The following CHST11 variants were observed in gnomAD, a reference collection of about 807,000 sequenced individuals.
CHST11 encodes C4S-1.
A neutral mutation model predicts 30.4 loss-of-function variants in CHST11; 9 were observed. The ratio of observed to expected loss-of-function variants is 0.30; its 90% CI spans 0.18 to 0.52. CHST11 has a LOEUF of 0.52. Ranked by LOEUF, CHST11 falls within the 20% of genes least tolerant of loss-of-function variation. The probability of loss-of-function intolerance (pLI) is 0.97; values close to 1 mark genes in which losing one functional copy is unlikely to be tolerated. For missense variants in CHST11, 348 were observed against 460.6 expected (o/e 0.76, Z 2.24); for synonymous variants, 152 against 187.8 (o/e 0.81, Z 1.56).
chr12:104,728,406 C>T lies in CHST11; in HGVS notation c.205-28543C>T, dbSNP rs74572613. 4.9e-3 allele frequency among the ~76,000 whole-genome samples: 742 copies of T among 151,658 alleles called. 21 individuals carry two copies. Among genetic ancestry groups the T allele is most frequent in the East Asian group, 0.017 (86 of 5,144 alleles). ...CAGCATTTTGTGTTCTATGGAGAAA[C>T]ATCTGAAATGATCAGACCATCTTCA... On this transcript the variant is annotated intron_variant, in intron 2 of 2. Coordinates refer to ENST00000303694, the MANE Select transcript of CHST11 (RefSeq NM_018413.6).
chr12:104,474,938 C>T (rs1593954963), intron 1 of CHST11, among the ~76,000 whole-genome samples: 3 of 152,148 alleles, frequency 2.0e-5, no homozygotes, highest in Admixed American at 6.5e-5. Context: ...CAGAGTGGCT[C>T]CTTGCTTATC....
intron 1 of CHST11, among the ~76,000 whole-genome samples, chr12:104,596,526 C>T (rs943094465): frequency 1.3e-5 from 2 of 152,096 alleles, no homozygotes; most frequent in African/African-American, 4.8e-5. Context: ...CGAGACAGCA[C>T]GGTGAAGAGC....
chr12:104,486,983 A>C (rs908952592), intron 1 of CHST11, among the ~76,000 whole-genome samples: 1 of 152,210 alleles, frequency 6.6e-6, no homozygotes, highest in Non-Finnish European at 1.5e-5. Flanking sequence ...TACCAAAGCA[A>C]AGCACATTTC....
intron 1 of CHST11, among the ~76,000 whole-genome samples, chr12:104,526,631 C>T (rs749710529): frequency 2.0e-5 from 3 of 152,188 alleles, no homozygotes; most frequent in Non-Finnish European, 4.4e-5. Context: ...GCCAGTTCTT[C>T]CACTCTGAAG....
At chr12:104,721,618 T>C (rs1269129551) in intron 2 of CHST11, among the ~76,000 whole-genome samples, 1 of 152,182 alleles carries the variant, frequency 6.6e-6, no homozygotes. Flanking sequence ...AAATGGGGTG[T>C]GACTACTGTC....
At chr12:104,464,846 C>T (rs1371499061) in intron 1 of CHST11, among the ~76,000 whole-genome samples, 1 of 152,180 alleles carries the variant, frequency 6.6e-6, no homozygotes, top group Non-Finnish European at 1.5e-5. Flanking sequence ...AAAAATAAAA[C>T]GATGAAATGG....
chr12:104,536,084 C>A (rs920891797), intron 1 of CHST11, among the ~76,000 whole-genome samples: 7 of 152,178 alleles, frequency 4.6e-5, no homozygotes, highest in African/African-American at 1.7e-4. Context: ...TGGTTTTTTC[C>A]ATACAAAAAT....
chr12:104,535,054 A>G (rs972885283), intron 1 of CHST11, among the ~76,000 whole-genome samples: 1 of 152,212 alleles, frequency 6.6e-6, no homozygotes, highest in African/African-American at 2.4e-5. Flanking sequence ...ATGACATCAT[A>G]TGGGGTTATA....
intron 2 of CHST11, among the ~76,000 whole-genome samples, chr12:104,615,569 C>A (rs749222284): frequency 6.6e-6 from 1 of 152,236 alleles, no homozygotes; most frequent in African/African-American, 2.4e-5. Flanking sequence ...CAGCGCCTGC[C>A]GGCTGTGTGA....
chr12:104,674,645 T>A (rs986212229), intron 2 of CHST11, among the ~76,000 whole-genome samples: 1 of 152,168 alleles, frequency 6.6e-6, no homozygotes, highest in African/African-American at 2.4e-5. Context: ...TTTATAGAAT[T>A]AATTGAATAT....
At chr12:104,699,811 G>A (rs2039976943) in intron 2 of CHST11, among the ~76,000 whole-genome samples, 1 of 152,202 alleles carries the variant, frequency 6.6e-6, no homozygotes, top group African/African-American at 2.4e-5. Flanking sequence ...AGTGACTATA[G>A]TCACTATAGC....
intron 1 of CHST11, among the ~76,000 whole-genome samples, chr12:104,503,861 G>A (rs2037876254): frequency 6.6e-6 from 1 of 152,130 alleles, no homozygotes; most frequent in Non-Finnish European, 1.5e-5. Context: ...GAATGCATGA[G>A]GACTTATGGG....
chr12:104,737,636 G>A (rs2040312258), intron 2 of CHST11, among the ~76,000 whole-genome samples: 1 of 152,168 alleles, frequency 6.6e-6, no homozygotes, highest in African/African-American at 2.4e-5. Context: ...TGACCCTTTT[G>A]CCCAGTGCCT....
chr12:104,630,976 C>A (rs1452729979), intron 2 of CHST11, among the ~76,000 whole-genome samples: 2 of 152,148 alleles, frequency 1.3e-5, no homozygotes, highest in Non-Finnish European at 2.9e-5. Flanking sequence ...TAGTGAGACC[C>A]CTAATAACGT....
chr12:104,483,387 G>T (rs1001845265), intron 1 of CHST11, among the ~76,000 whole-genome samples: 4 of 152,106 alleles, frequency 2.6e-5, no homozygotes, highest in Non-Finnish European at 4.4e-5. Context: ...TGTATTTTTA[G>T]TAGAGACAGG....
At chr12:104,711,643 G>A (rs2040089345) in intron 2 of CHST11, among the ~76,000 whole-genome samples, 1 of 152,036 alleles carries the variant, frequency 6.6e-6, no homozygotes, top group African/African-American at 2.4e-5. Context: ...CTACAAGGGT[G>A]AATTTAAAAG....
chr12:104,596,732 G>T lies in CHST11; in HGVS notation c.119-5174G>T, dbSNP rs114155713. 2.7e-3 allele frequency among the ~76,000 whole-genome samples: 418 copies of T among 152,210 alleles called. 2 individuals carry two copies. Among genetic ancestry groups the T allele is most frequent in the African/African-American group, 9.9e-3 (411 of 41,510 alleles). On this transcript the variant is annotated intron_variant, in intron 1 of 2. Transcript: ENST00000303694. ...TTCAATGAAACAATGTGAGAAAAAG[G>T]CTGAGCATTGTGTCAGGCATCAGAT...
intron 2 of CHST11, among the ~76,000 whole-genome samples, chr12:104,711,079 T>TG (rs548858310): frequency 1.4e-4 from 21 of 152,154 alleles, no homozygotes; most frequent in Admixed American, 1.0e-3. Context: ...AATATTTGCG[T>TG]GGGGGGTGTA....
intron 1 of CHST11, among the ~76,000 whole-genome samples, chr12:104,562,964 CTG>C (rs1565988012): frequency 6.6e-6 from 1 of 152,198 alleles, no homozygotes; most frequent in Non-Finnish European, 1.5e-5. Flanking sequence ...GTTTCCCCAT[CTG>C]TGAAATGGGT....
Sources: allele counts gnomAD v4.1 joint callset (sites outside exome capture counted in the v4.1 genomes callset), GRCh38; gene constraint gnomAD v4.1.1; transcripts MANE v1.5; gene names NCBI Gene and HGNC (gene_info 2026-07-23, HGNC 2026-07-21).